Variants in WDFY3 observed in about 807,000 individuals in gnomAD.
The protein encoded by WDFY3 is WD repeat and FYVE domain containing 3.
WDFY3 carries 66 observed loss-of-function variants against 409.6 expected under a neutral mutation model. The observed-to-expected ratio is 0.16, with a 90% CI of 0.13 to 0.20. The LOEUF (loss-of-function observed/expected upper bound fraction) is 0.20. Ranked by LOEUF, WDFY3 falls within the 10% of genes least tolerant of loss-of-function variation. The probability of loss-of-function intolerance (pLI) is 1.00; values close to 1 mark genes in which losing one functional copy is unlikely to be tolerated. For synonymous variants in WDFY3, 1,521 were observed against 1,537.1 expected, an observed-to-expected ratio of 0.99 and a Z score of 0.25; for missense variants, 3,031 against 4,298.1, an observed-to-expected ratio of 0.71 and a Z score of 8.24.
intron 3 of WDFY3, among the ~76,000 whole-genome samples, chr4:84,873,773 G>A (rs1478189729): frequency 6.7e-6 from 1 of 149,726 alleles, no homozygotes; most frequent in Non-Finnish European, 1.5e-5. Context: ...GTTTTTTTGT[G>A]TTTTTTTTTT....
chr4:84,836,615 A>C (rs1578746269), intron 7 of WDFY3, among the ~76,000 whole-genome samples: 1 of 152,072 alleles, frequency 6.6e-6, no homozygotes, highest in Non-Finnish European at 1.5e-5. Context: ...TATTATCCAA[A>C]TCTTTATATC....
At chr4:84,824,983 G>A (rs1359756432) in intron 10 of WDFY3, among the ~76,000 whole-genome samples, 1 of 152,108 alleles carries the variant, frequency 6.6e-6, no homozygotes, top group Non-Finnish European at 1.5e-5. Flanking sequence ...GGTCACTTAT[G>A]ATTACATAAA....
rs1213770151 is a variant in WDFY3, at chr4:84,672,383, T to C, written c.*485A>G. 2 of 152,372 alleles carry C rather than the reference T, an allele frequency of 1.3e-5. No individual in the cohort carries two copies. The highest frequency in any genetic ancestry group is 2.9e-5 in the Non-Finnish European group (2 of 68,154). 9.4% of individuals were successfully genotyped at this position (152,372 alleles called of 1,614,324 possible). ...AGTTCATTGAGTTAGTGGTTTAGTT[T>C]GAAGTTTCATGTTACAGGCAGTTAA... is the stretch of plus-strand genomic sequence containing the variant. On this transcript the variant is annotated 3_prime_UTR_variant, in exon 68 of 68. Transcript: ENST00000295888.
chr4:84,899,338 A>T (rs527250063), intron 2 of WDFY3, among the ~76,000 whole-genome samples: 1 of 152,386 alleles, frequency 6.6e-6, no homozygotes, highest in African/African-American at 2.4e-5. Flanking sequence ...CCTGTCTTAT[A>T]AATTAGGTGA....
chr4:84,847,774 A>C lies in WDFY3; in HGVS notation c.304+2128T>G, dbSNP rs1310264162. 2.3e-4 allele frequency among the ~76,000 whole-genome samples: 32 copies of C among 139,040 alleles called. No individual in the cohort carries two copies. The South Asian group carries it at 3.9e-3, about 17-fold the overall frequency. The allele number at this position is 139,040 out of a possible 152,430, so 91.2% of individuals were successfully genotyped here. On this transcript the variant is annotated intron_variant, in intron 5 of 67. Coordinates refer to ENST00000295888, the MANE Select transcript of WDFY3 (RefSeq NM_014991.6). ...GGGGGCCAGAGTAAGACTCCGTCCC[A>C]AAAAAAAAAAAAAACCAAAAAAAAA...
chr4:84,868,249 T>C (rs927454697), intron 3 of WDFY3, among the ~76,000 whole-genome samples: 1 of 151,164 alleles, frequency 6.6e-6, no homozygotes, highest in Non-Finnish European at 1.5e-5. Flanking sequence ...TCTTTCTTCT[T>C]CTTAATCTTT....
intron 5 of WDFY3, 56 bp from the exon 6 acceptor site, chr4:84,841,319 T>A: frequency 6.8e-7 from 1 of 1,462,662 alleles, no homozygotes; most frequent in Non-Finnish European, 9.4e-7. Flanking sequence ...ATAAAGAGGT[T>A]CTTCTTTAAA....
At chr4:84,873,492 T>C (rs1272594728) in intron 3 of WDFY3, among the ~76,000 whole-genome samples, 1 of 152,140 alleles carries the variant, frequency 6.6e-6, no homozygotes, top group Non-Finnish European at 1.5e-5. Flanking sequence ...AGCTGTTCTT[T>C]GAGGAAAAAA....
chr4:84,748,342 G>A (rs1209983903), intron 36 of WDFY3, among the ~76,000 whole-genome samples: 2 of 152,154 alleles, frequency 1.3e-5, no homozygotes, highest in Non-Finnish European at 2.9e-5. Flanking sequence ...TTACAGATGT[G>A]TAAATTGTAT....
chr4:84,824,886 A>T (rs1754625377), intron 10 of WDFY3, among the ~76,000 whole-genome samples: 1 of 152,214 alleles, frequency 6.6e-6, no homozygotes, highest in African/African-American at 2.4e-5. Flanking sequence ...TTATACAGGA[A>T]ACTCAAAATG....
At chr4:84,853,454 G>A (rs774502191) in intron 4 of WDFY3, among the ~76,000 whole-genome samples, 11 of 152,186 alleles carry the variant, frequency 7.2e-5, no homozygotes, top group Non-Finnish European at 1.0e-4. Context: ...GATTACAGGC[G>A]TGAGCCAACT....
intron 3 of WDFY3, among the ~76,000 whole-genome samples, chr4:84,872,337 C>T (rs1240816523): frequency 3.3e-5 from 5 of 151,768 alleles, no homozygotes; most frequent in Non-Finnish European, 7.4e-5. Flanking sequence ...TGGTGGAGGG[C>T]GCCTATGGTC....
intron 36 of WDFY3, among the ~76,000 whole-genome samples, chr4:84,749,704 A>G (rs146371388): frequency 9.4e-4 from 143 of 152,324 alleles, no homozygotes; most frequent in African/African-American, 3.2e-3. Flanking sequence ...GCACTGTGCT[A>G]AAAGTTGTGA....
chr4:84,825,257 A>G (rs1168924949), intron 10 of WDFY3, among the ~76,000 whole-genome samples: 1 of 152,162 alleles, frequency 6.6e-6, no homozygotes. Context: ...TAAAATAGGA[A>G]GTACATTGCT....
intron 50 of WDFY3, among the ~76,000 whole-genome samples, chr4:84,714,468 C>T (rs1358588902): frequency 6.6e-6 from 1 of 152,016 alleles, no homozygotes; most frequent in Non-Finnish European, 1.5e-5. Context: ...TAAAAATATG[C>T]TTAGATTAGA....
intron 3 of WDFY3, among the ~76,000 whole-genome samples, chr4:84,894,288 C>T (rs753490058): frequency 8.5e-5 from 13 of 152,124 alleles, no homozygotes; most frequent in Admixed American, 2.0e-4. Context: ...CTTTAAATAA[C>T]GGTCAAATTG....
intron 62 of WDFY3, 103 bp downstream of exon 62, chr4:84,687,983 G>A (rs1345164141): frequency 4.0e-6 from 5 of 1,255,462 alleles, no homozygotes; most frequent in Non-Finnish European, 5.6e-6. Flanking sequence ...AGCCTCCTGA[G>A]CAGCTGCAAC....
intron 2 of WDFY3, among the ~76,000 whole-genome samples, chr4:84,902,426 G>A (rs944460888): frequency 6.6e-6 from 1 of 152,074 alleles, no homozygotes; most frequent in African/African-American, 2.4e-5. Flanking sequence ...ACTGGCATAC[G>A]ATTAAAATCT....
At chr4:84,734,295 G>A (rs1737076357) in intron 43 of WDFY3, among the ~76,000 whole-genome samples, 2 of 152,170 alleles carry the variant, frequency 1.3e-5, no homozygotes, top group South Asian at 2.1e-4. Context: ...CTTGCCCAAT[G>A]ATTCATGGAA....
Sources: allele counts gnomAD v4.1 joint callset (sites outside exome capture counted in the v4.1 genomes callset), GRCh38; gene constraint gnomAD v4.1.1; transcripts MANE v1.5; gene names NCBI Gene and HGNC (gene_info 2026-07-23, HGNC 2026-07-21).